ANO10: variants seen among roughly 807,000 people sequenced by gnomAD.
The protein encoded by ANO10 is anoctamin 10.
In ANO10, 77 loss-of-function variants were observed where a neutral mutation model predicts 74.7. That is an observed-to-expected ratio of 1.03 (90% confidence interval 0.86 to 1.25). The LOEUF is 1.25. ANO10 is among the 50% of genes most tolerant of loss of function. The probability of loss-of-function intolerance (pLI) is 0.00; values close to 1 mark genes in which losing one functional copy is unlikely to be tolerated. For missense variants in ANO10, 721 were observed against 778.1 expected, an observed-to-expected ratio of 0.93 and a Z score of 0.87; for synonymous variants, 279 against 284.9, an observed-to-expected ratio of 0.98 and a Z score of 0.21.
chr3:43,605,672 T>C (rs368795636), intron 2 of ANO10, 42 bp downstream of exon 2: 48 of 1,607,888 alleles, frequency 3.0e-5, no homozygotes, highest in East Asian at 6.7e-5. Flanking sequence ...GCATACAGTG[T>C]GGGAGGCCAG....
rs189047504 is a variant in ANO10 at position 43,521,181 on chromosome 3, T to C, written c.1797+28539A>G. 3.4e-3 allele frequency among the ~76,000 whole-genome samples: 513 copies of C among 152,322 alleles called. 1 individual carries two copies. Among genetic ancestry groups the C allele is most frequent in the Non-Finnish European group, 5.9e-3 (398 of 68,006 alleles). On this transcript the variant is annotated intron_variant, in intron 11 of 12. Coordinates refer to ENST00000292246, the MANE Select transcript of ANO10 (RefSeq NM_018075.5). Reference sequence around the variant, plus strand: ...TTGGCTAGAACTTCCTGGACAATGCTAAATAAAACTGGTAAGTGGTAAGGG... The same window carrying C: ...TTGGCTAGAACTTCCTGGACAATGCCAAATAAAACTGGTAAGTGGTAAGGG...
At chr3:43,557,689 C>T (rs997729316) in intron 9 of ANO10, among the ~76,000 whole-genome samples, 6 of 142,638 alleles carry the variant, frequency 4.2e-5, no homozygotes, top group South Asian at 2.2e-4. Context: ...GAGCCAAGAT[C>T]GCACCACTGC....
intron 11 of ANO10, among the ~76,000 whole-genome samples, chr3:43,547,955 T>C (rs1167467589): frequency 3.3e-5 from 5 of 152,200 alleles, no homozygotes; most frequent in African/African-American, 4.8e-5. Context: ...AGCTGGCTCA[T>C]GAGAGAGCTC....
intron 12 of ANO10, among the ~76,000 whole-genome samples, chr3:43,373,311 T>C (rs1288900809): frequency 6.6e-6 from 1 of 152,042 alleles, no homozygotes; most frequent in Non-Finnish European, 1.5e-5. Flanking sequence ...GTTACAGCTG[T>C]GTGGGAGGAG....
At chr3:43,518,290 T>C (rs554152281) in intron 11 of ANO10, among the ~76,000 whole-genome samples, 65 of 152,312 alleles carry the variant, frequency 4.3e-4, no homozygotes, top group African/African-American at 1.3e-3. Flanking sequence ...GGAGATTTCA[T>C]GGACATTTAT....
intron 1 of ANO10, chr3:43,621,637 C>G: frequency 6.5e-6 from 1 of 152,802 alleles, no homozygotes; most frequent in East Asian, 1.9e-4. Context: ...AACCCTCGCC[C>G]CAGACCCATA....
chr3:43,613,292 G>C (rs1197016552), intron 1 of ANO10, among the ~76,000 whole-genome samples: 1 of 152,140 alleles, frequency 6.6e-6, no homozygotes, highest in Non-Finnish European at 1.5e-5. Context: ...ACAAAATCTA[G>C]TGGTCACCTC....
chr3:43,591,456 T>C (rs1044868401), intron 4 of ANO10, among the ~76,000 whole-genome samples: 5 of 152,132 alleles, frequency 3.3e-5, no homozygotes, highest in African/African-American at 4.8e-5. Flanking sequence ...CAAGGATCCA[T>C]TCCTTGGAAT....
intron 11 of ANO10, chr3:43,485,376 A>G: frequency 2.2e-6 from 1 of 452,826 alleles, no homozygotes. Flanking sequence ...GCCGCTCCTG[A>G]TCGGGCTAAA....
chr3:43,538,565 G>T (rs1034065670), intron 11 of ANO10, among the ~76,000 whole-genome samples: 23 of 152,188 alleles, frequency 1.5e-4, no homozygotes, highest in African/African-American at 4.8e-4. Flanking sequence ...GAAAAAAACT[G>T]TAACGATGGC....
intron 12 of ANO10, among the ~76,000 whole-genome samples, chr3:43,430,865 A>G (rs987707296): frequency 3.9e-5 from 6 of 152,004 alleles, no homozygotes; most frequent in African/African-American, 1.4e-4. Flanking sequence ...TTGTTCTATA[A>G]GTTATCTATA....
intron 1 of ANO10, among the ~76,000 whole-genome samples, chr3:43,613,858 T>C (rs1462643074): frequency 1.3e-5 from 2 of 152,154 alleles, no homozygotes; most frequent in Non-Finnish European, 1.5e-5. Context: ...GCCCTTAGTC[T>C]AGTAGCAGAA....
chr3:43,689,154 T>A (rs1233426143), intron 1 of ANO10, among the ~76,000 whole-genome samples: 2 of 152,126 alleles, frequency 1.3e-5, no homozygotes, highest in Non-Finnish European at 2.9e-5. Flanking sequence ...CAGAATCTAA[T>A]CACCACCCAT....
At chr3:43,536,791 C>A (rs566027443) in intron 11 of ANO10, among the ~76,000 whole-genome samples, 47 of 152,112 alleles carry the variant, frequency 3.1e-4, no homozygotes, top group African/African-American at 9.6e-4. Context: ...GAAAAAAAAT[C>A]TACTTTTTTC....
chr3:43,489,456 C>T (rs1044774136), intron 11 of ANO10, among the ~76,000 whole-genome samples: 7 of 151,998 alleles, frequency 4.6e-5, no homozygotes, highest in Admixed American at 1.3e-4. Context: ...CTGAAAGTTC[C>T]CATGTACACG....
intron 10 of ANO10, among the ~76,000 whole-genome samples, chr3:43,553,627 C>T (rs2079594524): frequency 6.6e-6 from 1 of 151,750 alleles, no homozygotes; most frequent in South Asian, 2.1e-4. Flanking sequence ...CTTCTGCCTC[C>T]CAGGTTCAAG....
At chr3:43,649,695 A>G (rs1363457067) in intron 1 of ANO10, among the ~76,000 whole-genome samples, 1 of 152,230 alleles carries the variant, frequency 6.6e-6, no homozygotes, top group Non-Finnish European at 1.5e-5. Flanking sequence ...TATAGCTAAT[A>G]GGAGACAGAG....
At chr3:43,630,874 C>A (rs533572165) in intron 1 of ANO10, among the ~76,000 whole-genome samples, 4 of 151,778 alleles carry the variant, frequency 2.6e-5, no homozygotes, top group African/African-American at 9.6e-5. Context: ...TTCTTTATTT[C>A]TTTGATGCCT....
chr3:43,556,146 G>T (rs2149329829), intron 9 of ANO10, among the ~76,000 whole-genome samples: 1 of 152,272 alleles, frequency 6.6e-6, no homozygotes, highest in African/African-American at 2.4e-5. Flanking sequence ...TATACCCAGT[G>T]ACATTGCATC....
Sources: gnomAD v4.1 joint callset for allele counts (sites outside exome capture counted in the v4.1 genomes callset) on GRCh38, gnomAD v4.1.1 for gene constraint, MANE v1.5 for transcripts, NCBI Gene and HGNC (gene_info 2026-07-23, HGNC 2026-07-21) for gene names.